CACNA1E: variants seen among roughly 807,000 people sequenced by gnomAD.
The protein encoded by CACNA1E is voltage-dependent R-type calcium channel subunit alpha-1E.
Under a neutral mutation model 259.2 loss-of-function variants are expected in CACNA1E, and 40 were observed. The ratio of observed to expected loss-of-function variants is 0.15; its 90% CI spans 0.12 to 0.20. The LOEUF (loss-of-function observed/expected upper bound fraction) is 0.20. Ranked by LOEUF, CACNA1E falls within the 10% of genes least tolerant of loss-of-function variation. CACNA1E has a pLI of 1.00. For synonymous variants in CACNA1E, 1,104 were observed against 1,138.5 expected, an observed-to-expected ratio of 0.97 and a Z score of 0.61; for missense variants, 1,874 against 3,040.1, an observed-to-expected ratio of 0.62 and a Z score of 9.02.
chr1:181,359,142 G>A (rs932852896), intron 1 of CACNA1E, among the ~76,000 whole-genome samples: 2 of 152,194 alleles, frequency 1.3e-5, no homozygotes, highest in Admixed American at 6.5e-5. Flanking sequence ...GGTATTTATG[G>A]AACACTGGGT....
intron 6 of CACNA1E, among the ~76,000 whole-genome samples, chr1:181,649,448 C>T (rs1388712282): frequency 6.6e-6 from 1 of 151,660 alleles, no homozygotes; most frequent in Admixed American, 6.6e-5. Flanking sequence ...GGTGATTCCT[C>T]AAATACCCCA....
At chr1:181,477,164 C>G (rs549140398) in intron 2 of CACNA1E, among the ~76,000 whole-genome samples, 38 of 151,916 alleles carry the variant, frequency 2.5e-4, no homozygotes, top group African/African-American at 8.9e-4. Context: ...TCCCCACCCC[C>G]CAAAACATCC....
At position 181,438,935 on chromosome 1, in the gene CACNA1E, T is replaced by C. The variant is rs77932071; in HGVS notation, c.434+25355T>C. The stretch of plus-strand genomic sequence containing the variant: ...TAGGTACCCATTCCAAGGGAATAGA[T>C]AAAGTGTGGTGGAGCATCTATGGGA... On this transcript the variant is annotated intron_variant, in intron 2 of 11. Transcript: ENST00000524607. Among the ~76,000 whole-genome samples, 368 of 152,306 alleles carry C rather than the reference T, an allele frequency of 2.4e-3. 2 individuals carry two copies. The highest frequency in any genetic ancestry group is 8.6e-3 in the African/African-American group (358 of 41,570).
At chr1:181,731,960 A>AGAT (rs1655522100) in intron 19 of CACNA1E, among the ~76,000 whole-genome samples, 1 of 151,654 alleles carries the variant, frequency 6.6e-6, no homozygotes, top group Non-Finnish European at 1.5e-5. Flanking sequence ...GAGGGAAGGG[A>AGAT]GATGAGGGGG....
chr1:181,557,027 GTC>G (rs1558123931), intron 3 of CACNA1E, among the ~76,000 whole-genome samples: 1 of 152,184 alleles, frequency 6.6e-6, no homozygotes, highest in Admixed American at 6.5e-5. Context: ...TGAGGCATGG[GTC>G]TCTGTCTCCT....
intron 1 of CACNA1E, among the ~76,000 whole-genome samples, chr1:181,357,005 T>C (rs1557938613): frequency 6.6e-6 from 1 of 152,158 alleles, no homozygotes; most frequent in Non-Finnish European, 1.5e-5. Flanking sequence ...CATTTCTGAT[T>C]ATTTTACCAC....
At chr1:181,326,798 C>T (rs1401351807) in intron 1 of CACNA1E, among the ~76,000 whole-genome samples, 2 of 152,004 alleles carry the variant, frequency 1.3e-5, no homozygotes, top group African/African-American at 4.8e-5. Flanking sequence ...CAAATCTTGT[C>T]CTCCTCTCAC....
chr1:181,633,901 C>T (rs182412550), intron 6 of CACNA1E, among the ~76,000 whole-genome samples: 181 of 152,274 alleles, frequency 1.2e-3, no homozygotes, highest in African/African-American at 4.2e-3. Context: ...GGGATTTACC[C>T]GATGTCACAG....
At chr1:181,781,925 TTCAA>T in intron 39 of CACNA1E, among the ~76,000 whole-genome samples, 1 of 152,290 alleles carries the variant, frequency 6.6e-6, no homozygotes, top group East Asian at 1.9e-4. Context: ...AAGAAATATC[TTCAA>T]TCAGATAAGG....
At chr1:181,677,805 G>C (rs945695503) in intron 7 of CACNA1E, among the ~76,000 whole-genome samples, 1 of 152,212 alleles carries the variant, frequency 6.6e-6, no homozygotes. Flanking sequence ...AAGCCCAGGG[G>C]TGTCATAGAG....
At chr1:181,653,581 A>G (rs542599941) in intron 7 of CACNA1E, among the ~76,000 whole-genome samples, 1 of 152,316 alleles carries the variant, frequency 6.6e-6, no homozygotes, top group East Asian at 1.9e-4. Context: ...CAAGGGCTCT[A>G]AAGGAGAATT....
chr1:181,673,888 G>A (rs140342214), intron 7 of CACNA1E, among the ~76,000 whole-genome samples: 6 of 152,144 alleles, frequency 3.9e-5, no homozygotes, highest in Admixed American at 6.5e-5. Context: ...AGCTCCCAGC[G>A]TGCATTTGTC....
chr1:181,368,795 CT>C (rs1654476163), intron 1 of CACNA1E, among the ~76,000 whole-genome samples: 1 of 152,180 alleles, frequency 6.6e-6, no homozygotes, highest in Admixed American at 6.5e-5. Context: ...TTGTTTCTAA[CT>C]TTCCAAGAAA....
At chr1:181,635,702 G>A (rs372601022) in intron 6 of CACNA1E, among the ~76,000 whole-genome samples, 2 of 152,242 alleles carry the variant, frequency 1.3e-5, no homozygotes, top group South Asian at 4.1e-4. Context: ...TGCAGGTCCA[G>A]GGGCCACACT....
At chr1:181,642,426 G>T (rs535740252) in intron 6 of CACNA1E, among the ~76,000 whole-genome samples, 46 of 152,234 alleles carry the variant, frequency 3.0e-4, no homozygotes, top group African/African-American at 1.1e-3. Flanking sequence ...AGAGGGACTG[G>T]TTGAAGAGCG....
intron 43 of CACNA1E, among the ~76,000 whole-genome samples, chr1:181,789,849 T>C (rs1225253742): frequency 2.0e-5 from 3 of 152,182 alleles, no homozygotes; most frequent in African/African-American, 7.2e-5. Context: ...TTTAAACCTC[T>C]TCCTACATTG....
chr1:181,394,926 G>A (rs1656554513), intron 1 of CACNA1E, among the ~76,000 whole-genome samples: 1 of 152,140 alleles, frequency 6.6e-6, no homozygotes, highest in Non-Finnish European at 1.5e-5. Context: ...ATGGTGCAGG[G>A]CCTTGCTGAC....
chr1:181,476,074 A>G (rs1157037107), intron 2 of CACNA1E, among the ~76,000 whole-genome samples: 3 of 152,084 alleles, frequency 2.0e-5, no homozygotes, highest in Non-Finnish European at 4.4e-5. Flanking sequence ...GCCAAGAACG[A>G]TGACCTCTGA....
intron 6 of CACNA1E, among the ~76,000 whole-genome samples, chr1:181,601,079 G>C (rs1023530101): frequency 1.3e-5 from 2 of 152,070 alleles, no homozygotes; most frequent in African/African-American, 4.8e-5. Context: ...TATGACAGGG[G>C]CTACTTTGCC....
Sources: allele counts gnomAD v4.1 joint callset (sites outside exome capture counted in the v4.1 genomes callset), GRCh38; gene constraint gnomAD v4.1.1; transcripts MANE v1.5; gene names NCBI Gene and HGNC (gene_info 2026-07-23, HGNC 2026-07-21).